The following HS3ST2 variants were observed in gnomAD, a reference collection of about 807,000 sequenced individuals.
The protein encoded by HS3ST2 is heparan sulfate glucosamine 3-O-sulfotransferase 2.
HS3ST2 carries 17 observed loss-of-function variants against 26.3 expected under a neutral mutation model. The ratio of observed to expected loss-of-function variants is 0.65; its 90% CI spans 0.44 to 0.97. The LOEUF (loss-of-function observed/expected upper bound fraction) is 0.97. Among genes scored for constraint, HS3ST2 ranks in the 50% least tolerant of loss-of-function variants. The pLI is 0.00. For missense variants in HS3ST2, 402 were observed against 501.2 expected (o/e 0.80, Z 1.89); for synonymous variants, 237 against 219.2 (o/e 1.08, Z -0.72).
intron 1 of HS3ST2, among the ~76,000 whole-genome samples, chr16:22,825,298 G>T (rs1901067544): frequency 6.6e-6 from 1 of 152,164 alleles, no homozygotes; most frequent in Non-Finnish European, 1.5e-5. Flanking sequence ...AACATCTGTG[G>T]CGCATGAGAG....
chr16:22,909,522 T>C (rs1902395076), intron 1 of HS3ST2, among the ~76,000 whole-genome samples: 1 of 152,194 alleles, frequency 6.6e-6, no homozygotes, highest in African/African-American at 2.4e-5. Context: ...TGGGAAGGTA[T>C]ACACAGTACC....
intron 1 of HS3ST2, among the ~76,000 whole-genome samples, chr16:22,835,624 A>G (rs1737964837): frequency 1.3e-5 from 2 of 152,102 alleles, no homozygotes; most frequent in African/African-American, 2.4e-5. Flanking sequence ...CTCCACTTCT[A>G]TGTTCCTCCA....
chr16:22,881,791 T>C (rs1901993962), intron 1 of HS3ST2, among the ~76,000 whole-genome samples: 1 of 152,188 alleles, frequency 6.6e-6, no homozygotes, highest in African/African-American at 2.4e-5. Context: ...GGTCCTTTGC[T>C]CACTTCTCTT....
At chr16:22,901,930 G>A (rs1039802543) in intron 1 of HS3ST2, among the ~76,000 whole-genome samples, 2 of 151,978 alleles carry the variant, frequency 1.3e-5, no homozygotes, top group Admixed American at 6.6e-5. Context: ...ACATGCTCAT[G>A]GCAAAGAGAA....
chr16:22,863,936 A>G (rs1350470986), intron 1 of HS3ST2, among the ~76,000 whole-genome samples: 2 of 152,326 alleles, frequency 1.3e-5, no homozygotes, highest in Admixed American at 1.3e-4. Context: ...GAAAGCCCCT[A>G]TCCTCAAGTT....
intron 1 of HS3ST2, among the ~76,000 whole-genome samples, chr16:22,815,528 G>T (rs1240124276): frequency 6.6e-6 from 1 of 152,124 alleles, no homozygotes; most frequent in Admixed American, 6.5e-5. Flanking sequence ...GAGACCCCTT[G>T]CAGCAAGGCT....
intron 1 of HS3ST2, chr16:22,833,290 A>G (rs1424734986): frequency 4.4e-6 from 2 of 456,036 alleles, no homozygotes; most frequent in Non-Finnish European, 8.8e-6. Flanking sequence ...CTCAGACACT[A>G]CCTGTGTGGT....
intron 1 of HS3ST2, among the ~76,000 whole-genome samples, chr16:22,831,682 A>G (rs1301921780): frequency 6.6e-6 from 1 of 152,158 alleles, no homozygotes; most frequent in East Asian, 1.9e-4. Context: ...TGAATCTCAA[A>G]GGCATTATGC....
At chr16:22,824,345 G>A (rs774198298) in intron 1 of HS3ST2, among the ~76,000 whole-genome samples, 4 of 152,090 alleles carry the variant, frequency 2.6e-5, no homozygotes, top group Non-Finnish European at 2.9e-5. Flanking sequence ...TCAGGAGATC[G>A]AGACCATCTG....
rs564461394 is a variant in HS3ST2, at chr16:22,814,908, G to C, written c.298G>C (p.Gly100Arg). ...CGCCGTGCCCGCCCCTCGCCTCTCC[G>C]GTTCCAACCACTCCGGCTCACCCAA... ...AAAVPAPRLS[G>R]SNHSGSPKLG... Residue 100 changes from glycine to arginine, a missense_variant, in exon 1 of 2, where the codon GGT becomes CGT. This residue lies in a region of HS3ST2 where 165 missense variants were observed against 154.6 expected (regional missense o/e 1.07). Transcript: ENST00000261374. The C allele has an allele frequency of 1.3e-6, 2 of 1,589,454 alleles. No homozygotes were observed. Among genetic ancestry groups the C allele is most frequent in the African/African-American group, 2.7e-5 (2 of 74,406 alleles).
At chr16:22,912,103 G>T (rs937226371) in intron 1 of HS3ST2, among the ~76,000 whole-genome samples, 7 of 152,104 alleles carry the variant, frequency 4.6e-5, no homozygotes, top group African/African-American at 1.7e-4. Context: ...CAGCCTGGGC[G>T]ACAGCATAAG....
Position 22,916,171 on chromosome 16 carries a change from G to GA in HS3ST2, c.*614dup, listed in dbSNP as rs1385942410. 1 of 152,812 alleles carries GA rather than the reference G, an allele frequency of 6.5e-6. No homozygotes were observed. The highest frequency in any genetic ancestry group is 1.5e-5 in the Non-Finnish European group (1 of 68,208). The allele number at this position is 152,812 out of a possible 1,614,324, so 9.5% of individuals were successfully genotyped here. A position where few individuals can be genotyped will look rare whatever the true frequency, so the allele number is the denominator to read the frequency against. The stretch of plus-strand genomic sequence containing the variant: ...AGAGCCTATGGTCTCAACTGTGCTT[G>GA]AAAAACACTGTCTCTGAAAACAACT... On this transcript the variant is annotated 3_prime_UTR_variant, in exon 2 of 2. Transcript: ENST00000261374.
chr16:22,866,681 G>C (rs936543976), intron 1 of HS3ST2, among the ~76,000 whole-genome samples: 1 of 151,958 alleles, frequency 6.6e-6, no homozygotes, highest in African/African-American at 2.4e-5. Flanking sequence ...TGCACCTGTG[G>C]TCCCAGCTAC....
At chr16:22,906,026 C>T (rs1454410524) in intron 1 of HS3ST2, among the ~76,000 whole-genome samples, 3 of 152,100 alleles carry the variant, frequency 2.0e-5, no homozygotes, top group African/African-American at 7.2e-5. Flanking sequence ...TGCAGTCTGC[C>T]ACAGTGGTTC....
At chr16:22,905,494 G>GTAT (rs1220026701) in intron 1 of HS3ST2, among the ~76,000 whole-genome samples, 2 of 151,840 alleles carry the variant, frequency 1.3e-5, no homozygotes, top group Non-Finnish European at 2.9e-5. Flanking sequence ...GGGTGAAAGA[G>GTAT]TATAGACTTT....
intron 1 of HS3ST2, among the ~76,000 whole-genome samples, chr16:22,849,746 C>T (rs1301114911): frequency 6.6e-6 from 1 of 152,196 alleles, no homozygotes; most frequent in Non-Finnish European, 1.5e-5. Context: ...CAAACTATAC[C>T]ATTGTGCTCC....
intron 1 of HS3ST2, among the ~76,000 whole-genome samples, chr16:22,835,564 C>G (rs1015360080): frequency 1.2e-4 from 19 of 152,170 alleles, no homozygotes; most frequent in African/African-American, 4.6e-4. Flanking sequence ...ACCCTGTCTT[C>G]TGATTCTTGC....
chr16:22,833,410 T>G, intron 1 of HS3ST2: 1 of 438,848 alleles, frequency 2.3e-6, no homozygotes, highest in South Asian at 1.6e-5. Flanking sequence ...GCAGCAGCAA[T>G]GACCCAGGAG....
chr16:22,819,077 TCCCTC>T (rs1468254994), intron 1 of HS3ST2, among the ~76,000 whole-genome samples: 176 of 7,884 alleles, frequency 0.022, 39 homozygotes, highest in African/African-American at 0.061. Context: ...CTTCCTTCCC[TCCCTC>T]CCTCCCTTCC....
Sources: allele counts gnomAD v4.1 joint callset (sites outside exome capture counted in the v4.1 genomes callset), GRCh38; gene constraint gnomAD v4.1.1; regional missense constraint gnomAD v4.1.1; transcripts MANE v1.5; gene names NCBI Gene and HGNC (gene_info 2026-07-23, HGNC 2026-07-21).